Variants in FBXW10B observed in about 807,000 individuals in gnomAD.
FBXW10B encodes F-box and WD repeat domain containing protein 10B.
At chr17:15,603,903 T>C in the FBXW10B span, among the ~76,000 whole-genome samples, 2 of 134,358 alleles carry the variant, frequency 1.5e-5, no homozygotes, top group Non-Finnish European at 3.1e-5. Context: ...AAACCCCTTC[T>C]CTACTAAAAA....
the FBXW10B span, chr17:15,588,708 G>C: frequency 1.5e-6 from 1 of 677,708 alleles, no homozygotes; most frequent in South Asian, 1.8e-5. Flanking sequence ...TTCATAAAGA[G>C]GATTCCCCAT....
the FBXW10B span, chr17:15,615,474 G>A: frequency 0.25 from 218,705 of 861,694 alleles, 28,546 homozygotes; most frequent in East Asian, 0.39. Context: ...CACTGCGCCC[G>A]GCTAATTTTT....
the FBXW10B span, among the ~76,000 whole-genome samples, chr17:15,600,653 A>T: frequency 1.3e-5 from 2 of 152,126 alleles, no homozygotes; most frequent in Non-Finnish European, 2.9e-5. Context: ...AACAAGATGA[A>T]GATGCCCACT....
the FBXW10B span, among the ~76,000 whole-genome samples, chr17:15,584,440 G>T: frequency 6.6e-6 from 1 of 152,074 alleles, no homozygotes; most frequent in African/African-American, 2.4e-5. Context: ...ATGTTTCTCC[G>T]AATAACTCAT....
chr17:15,582,487 A>G, the FBXW10B span, among the ~76,000 whole-genome samples: 1 of 152,130 alleles, frequency 6.6e-6, no homozygotes, highest in East Asian at 1.9e-4. Context: ...ATTAATTGAT[A>G]TATTCTCTCT....
the FBXW10B span, among the ~76,000 whole-genome samples, chr17:15,618,283 G>A: frequency 6.6e-6 from 1 of 151,942 alleles, no homozygotes; most frequent in African/African-American, 2.4e-5. Flanking sequence ...AGCCAAGATC[G>A]CACCACTGCA....
At chr17:15,615,445 T>A in the FBXW10B span, among the ~76,000 whole-genome samples, 2 of 149,344 alleles carry the variant, frequency 1.3e-5, no homozygotes, top group South Asian at 4.3e-4. Flanking sequence ...CCTCAGTAGC[T>A]GGGACTACAG....
the FBXW10B span, among the ~76,000 whole-genome samples, chr17:15,618,541 C>T: frequency 6.9e-6 from 1 of 144,030 alleles, no homozygotes; most frequent in Non-Finnish European, 1.5e-5. Flanking sequence ...AAGCAAGGAG[C>T]ATGGTAGAGT....
the FBXW10B span, among the ~76,000 whole-genome samples, chr17:15,578,333 C>T: frequency 2.1e-4 from 31 of 150,710 alleles, 1 homozygote; most frequent in South Asian, 5.9e-3. Context: ...ACTATACCTC[C>T]GGGTAGCTGC....
At chr17:15,594,338 G>C in the FBXW10B span, among the ~76,000 whole-genome samples, 3 of 151,810 alleles carry the variant, frequency 2.0e-5, no homozygotes, top group East Asian at 1.9e-4. Flanking sequence ...TGGGTGTGGT[G>C]GTGGGCGCCT....
the FBXW10B span, among the ~76,000 whole-genome samples, chr17:15,582,596 T>C: frequency 6.6e-6 from 1 of 151,210 alleles, no homozygotes; most frequent in Admixed American, 6.6e-5. Context: ...TGTATACAAA[T>C]ATTCTAAAGA....
At chr17:15,569,873 C>T in the FBXW10B span, among the ~76,000 whole-genome samples, 6 of 152,102 alleles carry the variant, frequency 3.9e-5, no homozygotes, top group African/African-American at 7.2e-5. Flanking sequence ...CCATGTATGT[C>T]TTCTTTCAAA....
the FBXW10B span, chr17:15,605,146 A>C: frequency 3.5e-5 from 54 of 1,552,862 alleles, no homozygotes; most frequent in Non-Finnish European, 4.2e-5. Context: ...TAAAAAGAAG[A>C]AGCATGCACA....
chr17:15,573,063 G>C, the FBXW10B span: 1 of 152,194 alleles, frequency 6.6e-6, no homozygotes, highest in Non-Finnish European at 1.5e-5. Context: ...CAAAATTCAG[G>C]CTGGCTACCA....
chr17:15,611,616 T>C, the FBXW10B span, among the ~76,000 whole-genome samples: 21 of 152,130 alleles, frequency 1.4e-4, no homozygotes, highest in Non-Finnish European at 1.5e-5. Context: ...CCCCTACAGG[T>C]CATATGAACT....
the FBXW10B span, among the ~76,000 whole-genome samples, chr17:15,582,352 A>C: frequency 6.6e-6 from 1 of 151,356 alleles, no homozygotes; most frequent in Non-Finnish European, 1.5e-5. Flanking sequence ...AAAAATGAAC[A>C]CTCTTTTCTA....
the FBXW10B span, among the ~76,000 whole-genome samples, chr17:15,596,030 C>A: frequency 6.6e-6 from 1 of 151,654 alleles, no homozygotes; most frequent in Admixed American, 6.6e-5. Flanking sequence ...AAGCGCCCAC[C>A]ACCATGCCCG....
chr17:15,602,818 G>T, the FBXW10B span, among the ~76,000 whole-genome samples: 1 of 121,640 alleles, frequency 8.2e-6, no homozygotes, highest in Non-Finnish European at 1.6e-5. Flanking sequence ...CAGTAGAGAC[G>T]GGGTTTCACC....
At chr17:15,605,454 A>G in the FBXW10B span, 2 of 1,436,742 alleles carry the variant, frequency 1.4e-6, no homozygotes, top group Non-Finnish European at 1.9e-6. Flanking sequence ...ATTATCCATG[A>G]AAGAAGAGTC....
Sources: gnomAD v4.1 joint callset for allele counts (sites outside exome capture counted in the v4.1 genomes callset) on GRCh38, gnomAD v4.1.1 for gene constraint, MANE v1.5 for transcripts, NCBI Gene and HGNC (gene_info 2026-07-23, HGNC 2026-07-21) for gene names.